Variants in PTBP3 observed in about 807,000 individuals in gnomAD.
PTBP3 encodes polypyrimidine tract-binding protein 3.
A neutral mutation model predicts 58.7 loss-of-function variants in PTBP3; 20 were observed. The ratio of observed to expected loss-of-function variants is 0.34; its 90% CI spans 0.24 to 0.50. PTBP3 has a LOEUF of 0.50. PTBP3 is among the 20% of genes least tolerant of loss of function. The probability of loss-of-function intolerance (pLI) is 0.98; values close to 1 mark genes in which losing one functional copy is unlikely to be tolerated. For missense variants in PTBP3, 509 were observed against 637.2 expected (o/e 0.80, Z 2.17); for synonymous variants, 185 against 219.8 (o/e 0.84, Z 1.40).
intron 5 of PTBP3, among the ~76,000 whole-genome samples, chr9:112,256,857 C>CTGTTT (rs1554792836): frequency 1.3e-4 from 19 of 151,412 alleles, no homozygotes; most frequent in Non-Finnish European, 2.4e-4. Context: ...TTTTTTAAAG[C>CTGTTT]TTTCATTTTT....
intron 12 of PTBP3, among the ~76,000 whole-genome samples, chr9:112,226,003 C>G (rs1408625211): frequency 6.6e-6 from 1 of 151,958 alleles, no homozygotes; most frequent in African/African-American, 2.4e-5. Context: ...GAGATCACAC[C>G]ACTGCACTAC....
chr9:112,327,026 T>C (rs1830184848), intron 1 of PTBP3, among the ~76,000 whole-genome samples: 1 of 152,144 alleles, frequency 6.6e-6, no homozygotes, highest in South Asian at 2.1e-4. Context: ...AACACCAGCC[T>C]GGACAACATG....
intron 1 of PTBP3, among the ~76,000 whole-genome samples, chr9:112,323,195 T>G (rs1830022441): frequency 6.6e-6 from 1 of 152,202 alleles, no homozygotes; most frequent in Non-Finnish European, 1.5e-5. Flanking sequence ...AAGGCTGCAG[T>G]GAGCTATGAT....
At chr9:112,356,789 C>CGT in the PTBP3 span, among the ~76,000 whole-genome samples, 3 of 39,654 alleles carry the variant, frequency 7.6e-5, no homozygotes, top group African/African-American at 3.6e-4. Context: ...GAGACAATTG[C>CGT]GTGTGCGCAC....
At chr9:112,346,567 C>T in the PTBP3 span, among the ~76,000 whole-genome samples, 1 of 152,174 alleles carries the variant, frequency 6.6e-6, no homozygotes, top group African/African-American at 2.4e-5. Context: ...AACCTCATAC[C>T]CATATACAAT....
the PTBP3 span, among the ~76,000 whole-genome samples, chr9:112,355,286 TGAGA>T: frequency 1.8e-4 from 28 of 152,302 alleles, no homozygotes; most frequent in South Asian, 4.1e-4. Flanking sequence ...ATCAATGCTC[TGAGA>T]AAGAAATGCA....
At chr9:112,368,538 T>A in the PTBP3 span, among the ~76,000 whole-genome samples, 3 of 144,500 alleles carry the variant, frequency 2.1e-5, no homozygotes, top group East Asian at 2.0e-4. Context: ...TTTTTTTTTT[T>A]AAGGTGATAA....
At chr9:112,291,007 A>G (rs2132282236) in intron 2 of PTBP3, among the ~76,000 whole-genome samples, 1 of 152,182 alleles carries the variant, frequency 6.6e-6, no homozygotes, top group Admixed American at 6.5e-5. Context: ...GGATCACCTG[A>G]GGTCAGGAGT....
intron 8 of PTBP3, among the ~76,000 whole-genome samples, chr9:112,232,578 T>C (rs1835287848): frequency 6.6e-6 from 1 of 152,208 alleles, no homozygotes; most frequent in Non-Finnish European, 1.5e-5. Flanking sequence ...CACCCTTCTA[T>C]CAAGTGTATA....
chr9:112,268,704 C>A (rs1306558341), intron 3 of PTBP3, among the ~76,000 whole-genome samples: 1 of 116,212 alleles, frequency 8.6e-6, no homozygotes. Context: ...AGGAGTAAGA[C>A]ACCGTCTCAA....
At chr9:112,234,269 C>T (rs1338351610) in intron 8 of PTBP3, among the ~76,000 whole-genome samples, 1 of 152,108 alleles carries the variant, frequency 6.6e-6, no homozygotes, top group African/African-American at 2.4e-5. Flanking sequence ...TCTTAATTAC[C>T]TCCATTAGCT....
chr9:112,232,064 G>T (rs368741602), intron 9 of PTBP3, 35 bp downstream of exon 9: 4 of 1,486,840 alleles, frequency 2.7e-6, no homozygotes, highest in Non-Finnish European at 3.6e-6. Flanking sequence ...ACCTTCTCCT[G>T]AAAGACTATT....
intron 1 of PTBP3, among the ~76,000 whole-genome samples, chr9:112,323,920 C>T (rs1030498242): frequency 3.9e-5 from 6 of 152,108 alleles, no homozygotes; most frequent in Admixed American, 6.5e-5. Context: ...CCAGGAAGCT[C>T]TGAGAAAACC....
the PTBP3 span, among the ~76,000 whole-genome samples, chr9:112,355,950 C>CT: frequency 6.5e-5 from 6 of 92,700 alleles, no homozygotes; most frequent in South Asian, 3.3e-4. Flanking sequence ...TCTTTTCTTT[C>CT]TTTCTTTCTC....
chr9:112,354,906 G>A, the PTBP3 span, among the ~76,000 whole-genome samples: 2 of 152,200 alleles, frequency 1.3e-5, no homozygotes, highest in Non-Finnish European at 2.9e-5. Flanking sequence ...GATTATAGGA[G>A]TCAAATGTTT....
chr9:112,241,358 C>T (rs559566728), intron 7 of PTBP3, among the ~76,000 whole-genome samples: 4 of 152,304 alleles, frequency 2.6e-5, no homozygotes, highest in African/African-American at 9.6e-5. Context: ...CCTGCCTTGG[C>T]CTCCCAAAGT....
chr9:112,280,767 ATGTG>A lies in PTBP3; in HGVS notation c.35-4758_35-4755del, dbSNP rs3032061. ...TTCATACGTGTGTGTCTGTGTGTGT[ATGTG>A]TGTGTGTGTGTGTGCATATATATAT... On this transcript the variant is annotated intron_variant, in intron 2 of 13. Coordinates refer to ENST00000374257, the MANE Select transcript of PTBP3 (RefSeq NM_001163788.4). Among the ~76,000 whole-genome samples the A allele has an allele frequency of 4.9e-4, 74 of 150,804 alleles. No individual in the cohort carries two copies. In the East Asian group the frequency reaches 8.2e-3, roughly 17 times the overall value.
chr9:112,243,870 A>C (rs1253933999), intron 7 of PTBP3, among the ~76,000 whole-genome samples: 2 of 152,206 alleles, frequency 1.3e-5, no homozygotes, highest in Non-Finnish European at 2.9e-5. Context: ...ACACATAGAA[A>C]GAAAGAGAAA....
At chr9:112,280,129 C>T (rs1020265127) in intron 2 of PTBP3, among the ~76,000 whole-genome samples, 1 of 152,094 alleles carries the variant, frequency 6.6e-6, no homozygotes, top group African/African-American at 2.4e-5. Context: ...ATGCAATCGG[C>T]TCACTGCAAC....
Sources: gnomAD v4.1 joint callset for allele counts (sites outside exome capture counted in the v4.1 genomes callset) on GRCh38, gnomAD v4.1.1 for gene constraint, MANE v1.5 for transcripts, NCBI Gene and HGNC (gene_info 2026-07-23, HGNC 2026-07-21) for gene names.